The following B3GALT1 variants were observed in gnomAD, a reference collection of about 807,000 sequenced individuals.
The protein encoded by B3GALT1 is UDP-Gal:betaGlcNAc beta 1,3-galactosyltransferase, polypeptide 1.
Under a neutral mutation model 23.2 loss-of-function variants are expected in B3GALT1, and 10 were observed. That is an observed-to-expected ratio of 0.43 (90% confidence interval 0.27 to 0.73). The LOEUF (loss-of-function observed/expected upper bound fraction) is 0.73. B3GALT1 is among the 30% of genes least tolerant of loss of function. The probability of loss-of-function intolerance (pLI) is 0.21; values close to 1 mark genes in which losing one functional copy is unlikely to be tolerated. For missense variants in B3GALT1, 299 were observed against 405.4 expected, an observed-to-expected ratio of 0.74 and a Z score of 2.25; for synonymous variants, 156 against 141.5, an observed-to-expected ratio of 1.10 and a Z score of -0.73.
At chr2:167,364,210 C>G (rs1471019552) in intron 1 of B3GALT1, among the ~76,000 whole-genome samples, 2 of 149,368 alleles carry the variant, frequency 1.3e-5, no homozygotes, top group Non-Finnish European at 3.0e-5. Flanking sequence ...ACTCCACTTT[C>G]AGCACCTCTA....
chr2:167,395,559 G>T (rs1023363035), intron 1 of B3GALT1, among the ~76,000 whole-genome samples: 2 of 152,080 alleles, frequency 1.3e-5, no homozygotes, highest in African/African-American at 4.8e-5. Context: ...TCAGCCCAAA[G>T]AAACCGATTT....
intron 3 of B3GALT1, among the ~76,000 whole-genome samples, chr2:167,704,349 G>A (rs773215255): frequency 1.3e-4 from 20 of 152,026 alleles, no homozygotes; most frequent in East Asian, 1.9e-4. Context: ...CCTGCTTACC[G>A]AATAATATTC....
chr2:167,480,662 C>G (rs1356653849), intron 1 of B3GALT1, among the ~76,000 whole-genome samples: 1 of 152,210 alleles, frequency 6.6e-6, no homozygotes, highest in Admixed American at 6.5e-5. Flanking sequence ...TAGGCCTTCT[C>G]TTTACCCAGA....
chr2:167,449,234 T>A (rs1426674629), intron 1 of B3GALT1, among the ~76,000 whole-genome samples: 1 of 152,188 alleles, frequency 6.6e-6, no homozygotes, highest in African/African-American at 2.4e-5. Context: ...ATGGGATGTG[T>A]TTTCATTTGT....
chr2:167,724,146 G>A (rs1338902379), intron 3 of B3GALT1, among the ~76,000 whole-genome samples: 1 of 152,172 alleles, frequency 6.6e-6, no homozygotes, highest in Non-Finnish European at 1.5e-5. Context: ...ATGCCTGGTT[G>A]TGCAACACTC....
At chr2:167,512,592 G>GTATATATATATA (rs1181477049) in intron 2 of B3GALT1, among the ~76,000 whole-genome samples, 1 of 39,608 alleles carries the variant, frequency 2.5e-5, no homozygotes, top group African/African-American at 1.9e-4. Context: ...ATATATATAT[G>GTATATATATATA]TGTATATATA....
chr2:167,672,004 A>G (rs1426355376), intron 3 of B3GALT1, among the ~76,000 whole-genome samples: 5 of 152,284 alleles, frequency 3.3e-5, no homozygotes, highest in African/African-American at 9.6e-5. Flanking sequence ...TCATACACCA[A>G]TAGATTGGAT....
rs181633660 is a variant in B3GALT1 at position 167,819,083 on chromosome 2, A to G, written c.-230+290A>G. On this transcript the variant is annotated intron_variant, in intron 4 of 4. Transcript: ENST00000392690. ...CTTTATTCTGAAAGATACAGGAGAA[A>G]AAAACTCATAGCTTAAAAGAGTGTC... Among the ~76,000 whole-genome samples the G allele has an allele frequency of 2.1e-3, 322 of 152,106 alleles. 1 individual carries two copies. The highest frequency in any genetic ancestry group is 3.7e-3 in the Non-Finnish European group (253 of 68,020).
intron 2 of B3GALT1, among the ~76,000 whole-genome samples, chr2:167,554,190 C>G (rs943946842): frequency 6.6e-6 from 1 of 152,314 alleles, no homozygotes; most frequent in South Asian, 2.1e-4. Context: ...GGAATAAGAG[C>G]TGTACTTAAC....
At chr2:167,716,164 C>T in intron 3 of B3GALT1, 4 of 1,260,684 alleles carry the variant, frequency 3.2e-6, no homozygotes, top group East Asian at 2.5e-5. Context: ...CCGCACGCGG[C>T]AACCAACCGG....
intron 3 of B3GALT1, chr2:167,715,261 A>G: frequency 6.2e-7 from 1 of 1,613,976 alleles, no homozygotes; most frequent in East Asian, 2.2e-5. Flanking sequence ...GCAAGTGTCC[A>G]GTCAGGGTCT....
chr2:167,810,765 C>T (rs557540377), intron 3 of B3GALT1, among the ~76,000 whole-genome samples: 3 of 144,242 alleles, frequency 2.1e-5, no homozygotes, highest in Non-Finnish European at 4.4e-5. Flanking sequence ...TTTAATACAA[C>T]TCCAGGAAAA....
intron 1 of B3GALT1, among the ~76,000 whole-genome samples, chr2:167,446,971 G>T (rs767434485): frequency 4.6e-5 from 7 of 152,136 alleles, no homozygotes; most frequent in Non-Finnish European, 7.3e-5. Flanking sequence ...TTGTGCTCTG[G>T]TTTCTCCCCA....
intron 1 of B3GALT1, among the ~76,000 whole-genome samples, chr2:167,331,874 C>T (rs1696978300): frequency 6.6e-6 from 1 of 152,136 alleles, no homozygotes; most frequent in Non-Finnish European, 1.5e-5. Flanking sequence ...GGTGGCTTCC[C>T]CTCTGCCTTG....
At chr2:167,588,348 T>TA (rs1321500171) in intron 2 of B3GALT1, among the ~76,000 whole-genome samples, 2 of 152,198 alleles carry the variant, frequency 1.3e-5, no homozygotes, top group Non-Finnish European at 2.9e-5. Context: ...AAAGGAAAAA[T>TA]AAGGTACTAG....
At chr2:167,482,089 A>C (rs577933248) in intron 1 of B3GALT1, among the ~76,000 whole-genome samples, 1 of 152,312 alleles carries the variant, frequency 6.6e-6, no homozygotes, top group South Asian at 2.1e-4. Flanking sequence ...GTAAGTTTAA[A>C]CAGCACAAAT....
intron 1 of B3GALT1, among the ~76,000 whole-genome samples, chr2:167,437,917 G>A (rs1698812803): frequency 6.6e-6 from 1 of 152,150 alleles, no homozygotes; most frequent in Non-Finnish European, 1.5e-5. Flanking sequence ...GAAAATTAAA[G>A]TCTGTTAAGG....
At chr2:167,797,812 C>T (rs1688568620) in intron 3 of B3GALT1, among the ~76,000 whole-genome samples, 1 of 152,062 alleles carries the variant, frequency 6.6e-6, no homozygotes, top group Admixed American at 6.6e-5. Context: ...GGGTTCATGC[C>T]ATTCTTCTCA....
intron 1 of B3GALT1, among the ~76,000 whole-genome samples, chr2:167,310,356 A>C (rs921956749): frequency 2.0e-5 from 3 of 152,100 alleles, no homozygotes; most frequent in African/African-American, 7.2e-5. Flanking sequence ...TATGATTGCT[A>C]TGAATAAAAA....
Sources: gnomAD v4.1 joint callset for allele counts (sites outside exome capture counted in the v4.1 genomes callset) on GRCh38, gnomAD v4.1.1 for gene constraint, MANE v1.5 for transcripts, NCBI Gene and HGNC (gene_info 2026-07-23, HGNC 2026-07-21) for gene names.